The following SEPTIN11 variants were observed in gnomAD, a reference collection of about 807,000 sequenced individuals.
SEPTIN11 encodes septin 11.
A neutral mutation model predicts 51.4 loss-of-function variants in SEPTIN11; 25 were observed. The observed-to-expected ratio is 0.49, with a 90% confidence interval of 0.35 to 0.68. SEPTIN11 has a LOEUF of 0.68. Among genes scored for constraint, SEPTIN11 ranks in the 30% least tolerant of loss-of-function variants. The probability of loss-of-function intolerance (pLI) is 0.00; values close to 1 mark genes in which losing one functional copy is unlikely to be tolerated. For missense variants in SEPTIN11, 381 were observed against 520.8 expected, an observed-to-expected ratio of 0.73 and a Z score of 2.61; for synonymous variants, 174 against 184.1, an observed-to-expected ratio of 0.95 and a Z score of 0.44.
Position 77,037,175 on chromosome 4 carries a change from A to T in SEPTIN11, c.*2663A>T. Reference sequence around the variant, plus strand: ...CCTGGAGTTCAAGACCACCTTGGCGAACACGGTGAAACCCCGTCTCTACAA... The same window carrying T: ...CCTGGAGTTCAAGACCACCTTGGCGTACACGGTGAAACCCCGTCTCTACAA... On this transcript the variant is annotated 3_prime_UTR_variant, in exon 10 of 10. Transcript: ENST00000264893. The T allele has an allele frequency of 1.5e-6, 1 of 665,194 alleles. No individual in the cohort carries two copies. The highest frequency in any genetic ancestry group is 6.7e-5 in the South Asian group (1 of 15,036). 41.2% of individuals were successfully genotyped at this position (665,194 alleles called of 1,614,324 possible).
chr4:77,037,684 C>T lies in SEPTIN11; in HGVS notation c.*3172C>T. ...CAAACATAATACCATCTTTTTGCTTCTTCTGAACTTTAGATCTCCATAACA... is the reference window on the plus strand; with the variant it reads ...CAAACATAATACCATCTTTTTGCTTTTTCTGAACTTTAGATCTCCATAACA... On this transcript the variant is annotated 3_prime_UTR_variant, in exon 10 of 10. Coordinates refer to ENST00000264893, the MANE Select transcript of SEPTIN11 (RefSeq NM_018243.4). 1 of 985,794 alleles carries T rather than the reference C, an allele frequency of 1.0e-6. No individual in the cohort carries two copies. The highest frequency in any genetic ancestry group is 1.2e-6 in the Non-Finnish European group (1 of 829,920). The allele number at this position is 985,794 out of a possible 1,614,324, so 61.1% of individuals were successfully genotyped here. A position where few individuals can be genotyped will look rare whatever the true frequency, so the allele number is the denominator to read the frequency against.
intron 1 of SEPTIN11, among the ~76,000 whole-genome samples, chr4:76,958,067 C>T (rs1721640356): frequency 1.3e-5 from 2 of 152,172 alleles, no homozygotes; most frequent in African/African-American, 4.8e-5. Context: ...TCCTATACCC[C>T]CCACCAATAA....
intron 4 of SEPTIN11, among the ~76,000 whole-genome samples, chr4:77,012,515 A>G (rs564270615): frequency 6.6e-6 from 1 of 152,374 alleles, no homozygotes; most frequent in East Asian, 1.9e-4. Context: ...ATAGAAGACA[A>G]TACATTCTGA....
At chr4:76,952,576 A>G (rs894692156) in intron 1 of SEPTIN11, among the ~76,000 whole-genome samples, 3 of 152,232 alleles carry the variant, frequency 2.0e-5, no homozygotes, top group Non-Finnish European at 2.9e-5. Flanking sequence ...TGAAATGGTT[A>G]TATTCTGTTA....
chr4:76,986,142 G>A (rs1222415157), intron 1 of SEPTIN11, among the ~76,000 whole-genome samples: 1 of 152,110 alleles, frequency 6.6e-6, no homozygotes, highest in Non-Finnish European at 1.5e-5. Flanking sequence ...TTAAACAGTG[G>A]GCTTTTTTTC....
intron 1 of SEPTIN11, among the ~76,000 whole-genome samples, chr4:76,960,672 C>T (rs1342092233): frequency 6.6e-6 from 1 of 152,152 alleles, no homozygotes; most frequent in Non-Finnish European, 1.5e-5. Flanking sequence ...TTCTAAATCT[C>T]CTCTTTCTTG....
chr4:76,951,219 G>A (rs1453787567), intron 1 of SEPTIN11, among the ~76,000 whole-genome samples: 1 of 152,134 alleles, frequency 6.6e-6, no homozygotes, highest in Non-Finnish European at 1.5e-5. Flanking sequence ...GAAGTTCATG[G>A]GTCCCTTTGC....
intron 1 of SEPTIN11, among the ~76,000 whole-genome samples, chr4:76,957,906 A>T (rs965442350): frequency 5.3e-5 from 8 of 152,126 alleles, no homozygotes; most frequent in African/African-American, 1.2e-4. Context: ...TACCTTTTTT[A>T]AAAAAAGTGA....
At chr4:76,960,992 T>C (rs1197197727) in intron 1 of SEPTIN11, among the ~76,000 whole-genome samples, 1 of 152,204 alleles carries the variant, frequency 6.6e-6, no homozygotes, top group African/African-American at 2.4e-5. Context: ...TTGAGGACCT[T>C]CTGTGTTACT....
intron 1 of SEPTIN11, among the ~76,000 whole-genome samples, chr4:76,983,920 T>C (rs946703453): frequency 2.0e-5 from 3 of 152,078 alleles, no homozygotes; most frequent in African/African-American, 7.2e-5. Context: ...GGCAGGAGAA[T>C]TGCTTGAACC....
intron 1 of SEPTIN11, among the ~76,000 whole-genome samples, chr4:76,976,998 C>CCT (rs1277579456): frequency 6.6e-6 from 1 of 151,908 alleles, no homozygotes; most frequent in African/African-American, 2.4e-5. Context: ...TCCTTATTTG[C>CCT]CTTAAGGTAG....
chr4:77,008,763 G>T (rs1724663161), intron 3 of SEPTIN11, among the ~76,000 whole-genome samples: 1 of 152,154 alleles, frequency 6.6e-6, no homozygotes, highest in South Asian at 2.1e-4. Flanking sequence ...TGCCTTAAAA[G>T]AAAATGATGT....
At position 77,034,811 on chromosome 4, in the gene SEPTIN11, T is replaced by C; in HGVS notation, c.*299T>C. 2 of 1,093,166 alleles carry C rather than the reference T, an allele frequency of 1.8e-6. No individual in the cohort carries two copies. The highest frequency in any genetic ancestry group is 2.2e-6 in the Non-Finnish European group (2 of 900,140). The allele number at this position is 1,093,166 out of a possible 1,614,324, so 67.7% of individuals were successfully genotyped here. A position where few individuals can be genotyped will look rare whatever the true frequency, so the allele number is the denominator to read the frequency against. ...GCAGGCCTGTTACTTGTATGTCGCT[T>C]TGGACAGAGGAAAGTGGGGTAAAAT... On this transcript the variant is annotated 3_prime_UTR_variant, in exon 10 of 10. Coordinates refer to ENST00000264893, the MANE Select transcript of SEPTIN11 (RefSeq NM_018243.4).
At position 77,037,679 on chromosome 4, in the gene SEPTIN11, T is replaced by C. The variant is rs1727131864; in HGVS notation, c.*3167T>C. 1.0e-6 allele frequency: 1 copy of C among 985,844 alleles called. No individual in the cohort carries two copies. The highest frequency in any genetic ancestry group is 1.7e-5 in the African/African-American group (1 of 57,358). 61.1% of individuals were successfully genotyped at this position (985,844 alleles called of 1,614,324 possible). A position where few individuals can be genotyped will look rare whatever the true frequency, so the allele number is the denominator to read the frequency against. Reference sequence around the variant, plus strand: ...TTGTTCAAACATAATACCATCTTTTTGCTTCTTCTGAACTTTAGATCTCCA... The same window carrying C: ...TTGTTCAAACATAATACCATCTTTTCGCTTCTTCTGAACTTTAGATCTCCA... On this transcript the variant is annotated 3_prime_UTR_variant, in exon 10 of 10. Coordinates refer to ENST00000264893, the MANE Select transcript of SEPTIN11 (RefSeq NM_018243.4).
intron 2 of SEPTIN11, among the ~76,000 whole-genome samples, chr4:77,003,828 A>G (rs1724294443): frequency 6.6e-6 from 1 of 152,138 alleles, no homozygotes. Flanking sequence ...TTTTCCATAG[A>G]ACACTACCAT....
At chr4:77,023,347 AAT>A (rs1333551169) in intron 7 of SEPTIN11, among the ~76,000 whole-genome samples, 1 of 147,514 alleles carries the variant, frequency 6.8e-6, no homozygotes, top group African/African-American at 2.5e-5. Context: ...ATATATTACT[AAT>A]ATATGATATA....
At chr4:77,006,886 T>C (rs1425392536) in intron 3 of SEPTIN11, among the ~76,000 whole-genome samples, 1 of 152,244 alleles carries the variant, frequency 6.6e-6, no homozygotes, top group Non-Finnish European at 1.5e-5. Context: ...GTTTAATTCA[T>C]TCTTTAGCTG....
intron 1 of SEPTIN11, among the ~76,000 whole-genome samples, chr4:76,956,962 A>ATATGTGTGTGTGTG (rs1553966569): frequency 8.4e-6 from 1 of 119,118 alleles, no homozygotes; most frequent in Non-Finnish European, 1.7e-5. Context: ...TAGTAGAATG[A>ATATGTGTGTGTGTG]TGTGTGTGTG....
At chr4:77,014,808 T>G in intron 4 of SEPTIN11, 48 bp from the exon 5 acceptor site, 1 of 1,585,614 alleles carries the variant, frequency 6.3e-7, no homozygotes, top group Non-Finnish European at 8.6e-7. Flanking sequence ...CACTTGTCTA[T>G]TTTTCTTATG....
Sources: allele counts gnomAD v4.1 joint callset (sites outside exome capture counted in the v4.1 genomes callset), GRCh38; gene constraint gnomAD v4.1.1; transcripts MANE v1.5; gene names NCBI Gene and HGNC (gene_info 2026-07-23, HGNC 2026-07-21).